WWOX: variants seen among roughly 807,000 people sequenced by gnomAD.
WWOX encodes the protein WW domain containing oxidoreductase.
Under a neutral mutation model 46.2 loss-of-function variants are expected in WWOX, and 69 were observed. That is an observed-to-expected ratio of 1.49 (90% CI 1.23 to 1.82). WWOX has a LOEUF of 1.82. WWOX is among the 40% of genes most tolerant of loss of function. The probability of loss-of-function intolerance (pLI) is 0.00; values close to 1 mark genes in which losing one functional copy is unlikely to be tolerated. For synonymous variants in WWOX, 359 were observed against 202.6 expected, an observed-to-expected ratio of 1.77 and a Z score of -6.56; for missense variants, 919 against 542.6, an observed-to-expected ratio of 1.69 and a Z score of -6.89.
chr16:78,436,770 A>T (rs2083343795), intron 8 of WWOX, among the ~76,000 whole-genome samples: 3 of 151,802 alleles, frequency 2.0e-5, no homozygotes, highest in African/African-American at 7.3e-5. Flanking sequence ...TCATTTTCCT[A>T]GTAAGATAGA....
At chr16:78,640,323 G>C (rs573327579) in intron 8 of WWOX, among the ~76,000 whole-genome samples, 2 of 131,630 alleles carry the variant, frequency 1.5e-5, no homozygotes, top group South Asian at 5.1e-4. Context: ...TCCAAATCCA[G>C]ATCTCTGACT....
intron 8 of WWOX, among the ~76,000 whole-genome samples, chr16:78,593,444 C>A: frequency 6.6e-6 from 1 of 152,310 alleles, no homozygotes. Context: ...CACCTGTCTT[C>A]CTCTTCAGGA....
chr16:78,388,430 G>C (rs932271168), intron 6 of WWOX, among the ~76,000 whole-genome samples: 2 of 151,354 alleles, frequency 1.3e-5, no homozygotes, highest in Admixed American at 6.6e-5. Flanking sequence ...GGAGGGTCAT[G>C]AGGTCAAGAG....
At chr16:79,015,402 A>C (rs1348972391) in intron 8 of WWOX, among the ~76,000 whole-genome samples, 1 of 152,202 alleles carries the variant, frequency 6.6e-6, no homozygotes, top group Non-Finnish European at 1.5e-5. Context: ...TTTGTTTGCA[A>C]AATAGTAACA....
chr16:78,420,101 A>G (rs1230789060), intron 6 of WWOX, among the ~76,000 whole-genome samples: 3 of 152,176 alleles, frequency 2.0e-5, no homozygotes, highest in African/African-American at 7.2e-5. Flanking sequence ...TGGCTAAAAT[A>G]AAAAAGTCAG....
At chr16:78,652,191 C>G (rs555830230) in intron 8 of WWOX, among the ~76,000 whole-genome samples, 3 of 151,980 alleles carry the variant, frequency 2.0e-5, no homozygotes, top group Admixed American at 6.5e-5. Context: ...GTGGGCAGAT[C>G]ACGAGGTCAA....
intron 8 of WWOX, among the ~76,000 whole-genome samples, chr16:79,102,044 G>A (rs1476740125): frequency 8.1e-6 from 1 of 124,044 alleles, no homozygotes; most frequent in African/African-American, 3.0e-5. Flanking sequence ...GGGGGTGGGG[G>A]GCAGGGAGTA....
At chr16:78,462,285 C>G (rs1252760534) in intron 8 of WWOX, among the ~76,000 whole-genome samples, 2 of 151,594 alleles carry the variant, frequency 1.3e-5, no homozygotes, top group Non-Finnish European at 2.9e-5. Flanking sequence ...GTAGCAGGAG[C>G]TTTCAAAGTC....
intron 4 of WWOX, among the ~76,000 whole-genome samples, chr16:78,162,417 C>G (rs2034824972): frequency 2.0e-5 from 3 of 152,006 alleles, no homozygotes. Context: ...CACACATACA[C>G]ACATACAGAT....
intron 8 of WWOX, among the ~76,000 whole-genome samples, chr16:78,821,113 C>T (rs1007535415): frequency 4.6e-5 from 7 of 152,150 alleles, no homozygotes; most frequent in African/African-American, 1.7e-4. Flanking sequence ...ACTATTGAAC[C>T]CACTGCACTG....
intron 5 of WWOX, among the ~76,000 whole-genome samples, chr16:78,274,386 A>T (rs190674021): frequency 1.3e-5 from 2 of 152,324 alleles, no homozygotes; most frequent in East Asian, 3.9e-4. Context: ...TTCTGAATTC[A>T]TCCTGATTCT....
intron 8 of WWOX, among the ~76,000 whole-genome samples, chr16:78,844,608 C>T (rs893166821): frequency 6.6e-6 from 1 of 152,088 alleles, no homozygotes; most frequent in African/African-American, 2.4e-5. Flanking sequence ...CCGCAGAATT[C>T]TGGCAGGGTT....
rs529839365 is a variant in WWOX, at chr16:78,454,436, TTTATC to T, written c.1056+21686_1056+21690del. ...AATAAAAGTTTTACAAAATGATACT[TTTATC>T]TGAGCAGTGTCCTGCTGTTTTTTTT... On this transcript the variant is annotated intron_variant, in intron 8 of 8. Coordinates refer to ENST00000566780, the MANE Select transcript of WWOX (RefSeq NM_016373.4). Among the ~76,000 whole-genome samples, 458 of 152,284 alleles carry T rather than the reference TTTATC, an allele frequency of 3.0e-3. 2 individuals carry two copies. The highest frequency in any genetic ancestry group is 0.011 in the African/African-American group (437 of 41,550).
chr16:78,803,118 A>G (rs1372627064), intron 8 of WWOX, among the ~76,000 whole-genome samples: 1 of 151,844 alleles, frequency 6.6e-6, no homozygotes, highest in East Asian at 1.9e-4. Context: ...TATCAATTAT[A>G]TATAAATTAG....
intron 8 of WWOX, among the ~76,000 whole-genome samples, chr16:78,970,610 A>G (rs1354798103): frequency 6.6e-6 from 1 of 152,226 alleles, no homozygotes; most frequent in Non-Finnish European, 1.5e-5. Context: ...AGTATGAGGA[A>G]AGTCAGAGAG....
chr16:78,517,216 C>G (rs929076391), intron 8 of WWOX, among the ~76,000 whole-genome samples: 1 of 152,138 alleles, frequency 6.6e-6, no homozygotes, highest in African/African-American at 2.4e-5. Context: ...AGCTTATCAT[C>G]TATTATTAAG....
At chr16:78,988,048 A>G (rs1040739338) in intron 8 of WWOX, among the ~76,000 whole-genome samples, 1 of 152,054 alleles carries the variant, frequency 6.6e-6, no homozygotes, top group Non-Finnish European at 1.5e-5. Context: ...AACATAAAAG[A>G]GAGCGAATTT....
At chr16:78,633,625 T>A (rs1304886383) in intron 8 of WWOX, among the ~76,000 whole-genome samples, 1 of 152,166 alleles carries the variant, frequency 6.6e-6, no homozygotes, top group African/African-American at 2.4e-5. Flanking sequence ...CTCCTCCTTT[T>A]CATAAACATT....
intron 8 of WWOX, among the ~76,000 whole-genome samples, chr16:78,795,575 A>T (rs1292380809): frequency 6.6e-6 from 1 of 152,214 alleles, no homozygotes; most frequent in Non-Finnish European, 1.5e-5. Context: ...TTTCTCACAC[A>T]GATTTCTGGG....
Sources: allele counts gnomAD v4.1 joint callset (sites outside exome capture counted in the v4.1 genomes callset), GRCh38; gene constraint gnomAD v4.1.1; transcripts MANE v1.5; gene names NCBI Gene and HGNC (gene_info 2026-07-23, HGNC 2026-07-21).